The following DHRS7B variants were observed in gnomAD, a reference collection of about 807,000 sequenced individuals.
The protein encoded by DHRS7B is dehydrogenase/reductase 7B, also known as peroxisomal reductase activating PPAR-gamma.
A neutral mutation model predicts 26.4 loss-of-function variants in DHRS7B; 24 were observed. The ratio of observed to expected loss-of-function variants is 0.91; its 90% CI spans 0.66 to 1.28. DHRS7B has a LOEUF of 1.28. DHRS7B is among the 50% of genes most tolerant of loss of function. The pLI is 0.00. For missense variants in DHRS7B, 368 were observed against 419.4 expected (o/e 0.88, Z 1.07); for synonymous variants, 142 against 166.4 (o/e 0.85, Z 1.13).
chr17:21,138,099 T>TACACACACACAC (rs1449609485), intron 1 of DHRS7B, among the ~76,000 whole-genome samples: 1,874 of 87,472 alleles, frequency 0.021, 17 homozygotes, highest in Middle Eastern at 0.043. Context: ...TATATATATA[T>TACACACACACAC]ATACACACAC....
rs1342290821 is a variant in DHRS7B at position 21,138,097 on chromosome 17, T to TAC, written c.20+11107_20+11108insCA. Among the ~76,000 whole-genome samples the TAC allele has an allele frequency of 8.7e-3, 765 of 87,544 alleles. 5 individuals carry two copies. Among genetic ancestry groups the TAC allele is most frequent in the African/African-American group, 0.017 (312 of 18,872 alleles). The allele number at this position is 87,544 out of a possible 152,430, so 57.4% of individuals were successfully genotyped here. On this transcript the variant is annotated intron_variant, in intron 1 of 6. Transcript: ENST00000395511. ...AAAAATATATATATATATATATATA[T>TAC]ATATACACACACACACACACACACA...
At chr17:21,179,467 G>A (rs1405221617) in intron 3 of DHRS7B, among the ~76,000 whole-genome samples, 1 of 152,102 alleles carries the variant, frequency 6.6e-6, no homozygotes. Context: ...GGGTGTGGTG[G>A]TGCATGCCCG....
intron 1 of DHRS7B, among the ~76,000 whole-genome samples, chr17:21,149,067 G>T (rs1401386546): frequency 6.6e-6 from 1 of 151,962 alleles, no homozygotes; most frequent in African/African-American, 2.4e-5. Flanking sequence ...AGAGCAGCAA[G>T]AAAAAAGAAG....
At chr17:21,190,436 C>T (rs1212082131) in intron 6 of DHRS7B, among the ~76,000 whole-genome samples, 2 of 152,204 alleles carry the variant, frequency 1.3e-5, no homozygotes, top group African/African-American at 4.8e-5. Context: ...TGAGCTTGTG[C>T]ATATGGGGGT....
intron 6 of DHRS7B, 50 bp downstream of exon 6, chr17:21,188,913 A>C: frequency 6.2e-7 from 1 of 1,606,020 alleles, no homozygotes. Flanking sequence ...GGTCAGCCAC[A>C]GTGAGACATG....
chr17:21,127,181 G>T (rs575446014), intron 1 of DHRS7B, 190 bp downstream of exon 1: 4 of 569,052 alleles, frequency 7.0e-6, no homozygotes, highest in East Asian at 7.0e-5. Context: ...TGGGACCAGA[G>T]CCCTGGCTCC....
intron 1 of DHRS7B, among the ~76,000 whole-genome samples, chr17:21,158,896 A>G (rs1160523383): frequency 6.6e-6 from 1 of 152,114 alleles, no homozygotes; most frequent in East Asian, 1.9e-4. Flanking sequence ...AATAGAGCCA[A>G]CTGATGTTTG....
intron 1 of DHRS7B, among the ~76,000 whole-genome samples, chr17:21,135,343 T>C (rs759192589): frequency 6.6e-6 from 1 of 152,210 alleles, no homozygotes; most frequent in Non-Finnish European, 1.5e-5. Flanking sequence ...ATGTTATTTT[T>C]TGGACTTTAG....
chr17:21,134,811 C>A (rs984082605), intron 1 of DHRS7B, among the ~76,000 whole-genome samples: 1 of 152,082 alleles, frequency 6.6e-6, no homozygotes. Context: ...GTCAGTAGCT[C>A]AAAAGAAAAG....
chr17:21,187,200 C>A (rs931132765), intron 5 of DHRS7B, among the ~76,000 whole-genome samples: 5 of 151,434 alleles, frequency 3.3e-5, no homozygotes, highest in African/African-American at 1.2e-4. Context: ...CTCCTGTAAT[C>A]CCACCAGCAC....
intron 1 of DHRS7B, chr17:21,127,793 G>T (rs1225728012): frequency 6.6e-6 from 1 of 152,160 alleles, no homozygotes; most frequent in African/African-American, 2.4e-5. Context: ...TACTTTTGAA[G>T]TAACGTTTGG....
chr17:21,135,234 C>T (rs908106906), intron 1 of DHRS7B, among the ~76,000 whole-genome samples: 1 of 152,056 alleles, frequency 6.6e-6, no homozygotes, highest in Non-Finnish European at 1.5e-5. Context: ...GAACACATAC[C>T]AATAACATAT....
intron 3 of DHRS7B, among the ~76,000 whole-genome samples, chr17:21,182,189 C>G (rs1904231): frequency 0.38 from 58,516 of 152,084 alleles, 12,739 homozygotes; most frequent in Non-Finnish European, 0.49. Flanking sequence ...TTGAGATGAT[C>G]AAGTGGGGTT....
chr17:21,157,425 A>G (rs953600167), intron 1 of DHRS7B, among the ~76,000 whole-genome samples: 1 of 152,210 alleles, frequency 6.6e-6, no homozygotes, highest in African/African-American at 2.4e-5. Context: ...GGCTAGGCAC[A>G]GTGCTCATGC....
At chr17:21,166,193 A>T (rs1010952326) in intron 1 of DHRS7B, 1 of 985,320 alleles carries the variant, frequency 1.0e-6, no homozygotes, top group Non-Finnish European at 1.2e-6. Flanking sequence ...GCTCACTTCA[A>T]TGTGGCTGCT....
At chr17:21,161,759 A>G (rs1974005068) in intron 1 of DHRS7B, among the ~76,000 whole-genome samples, 1 of 152,204 alleles carries the variant, frequency 6.6e-6, no homozygotes. Context: ...GACGCTTGGT[A>G]AAAGAAAGTG....
At chr17:21,142,067 T>C (rs565288252) in intron 1 of DHRS7B, among the ~76,000 whole-genome samples, 1 of 151,856 alleles carries the variant, frequency 6.6e-6, no homozygotes, top group Admixed American at 6.6e-5. Context: ...ACCAAGATAG[T>C]GAAGGGAGTG....
At chr17:21,159,713 AT>A (rs1461858159) in intron 1 of DHRS7B, among the ~76,000 whole-genome samples, 4 of 151,762 alleles carry the variant, frequency 2.6e-5, no homozygotes, top group Non-Finnish European at 5.9e-5. Flanking sequence ...CTCTGCAAAA[AT>A]TTTTTTAAAG....
chr17:21,173,110 A>G (rs572994218), intron 2 of DHRS7B, among the ~76,000 whole-genome samples: 3 of 152,380 alleles, frequency 2.0e-5, no homozygotes, highest in African/African-American at 7.2e-5. Context: ...GCTCTGGGTC[A>G]GGTTCTAGAA....
Sources: gnomAD v4.1 joint callset for allele counts (sites outside exome capture counted in the v4.1 genomes callset) on GRCh38, gnomAD v4.1.1 for gene constraint, MANE v1.5 for transcripts, NCBI Gene and HGNC (gene_info 2026-07-23, HGNC 2026-07-21) for gene names.